ANKRD18B: variants seen among roughly 807,000 people sequenced by gnomAD.
ANKRD18B encodes the protein ankyrin repeat domain 18B, also known as ankyrin repeat domain-containing protein 18B.
In ANKRD18B, 75 loss-of-function variants were observed where a neutral mutation model predicts 111.8. The observed-to-expected ratio is 0.67, with a 90% CI of 0.56 to 0.81. The LOEUF (loss-of-function observed/expected upper bound fraction) is 0.81, where lower values mean the gene tolerates loss of function less well. Ranked by LOEUF, ANKRD18B falls within the 40% of genes least tolerant of loss-of-function variation. The pLI is 0.00. For missense variants in ANKRD18B, 1,038 were observed against 1,225.5 expected, an observed-to-expected ratio of 0.85 and a Z score of 2.28; for synonymous variants, 356 against 417.3, an observed-to-expected ratio of 0.85 and a Z score of 1.79.
chr9:33,573,530 C>T (rs1300946046), downstream of ANKRD18B, among the ~76,000 whole-genome samples: 1 of 145,036 alleles, frequency 6.9e-6, no homozygotes, highest in Non-Finnish European at 1.6e-5. Flanking sequence ...CCAGGCAGTG[C>T]CAGGCCACCT....
At position 33,530,976 on chromosome 9, in the gene ANKRD18B, A is replaced by C. The variant is rs184628838; in HGVS notation, c.495+1803A>C. ...ATTTTCTCAGTTAGATCAGTAGCAA[A>C]TCTTGAACCTTTTTTTTTCAGTTGC... On this transcript the variant is annotated intron_variant, in intron 3 of 18. Transcript: ENST00000684830. Among the ~76,000 whole-genome samples the C allele has an allele frequency of 3.0e-3, 453 of 152,270 alleles. 3 individuals carry two copies. Among genetic ancestry groups the C allele is most frequent in the Non-Finnish European group, 3.2e-3 (220 of 68,024 alleles).
intron 13 of ANKRD18B, among the ~76,000 whole-genome samples, chr9:33,556,308 G>C (rs1192672940): frequency 6.6e-6 from 1 of 151,812 alleles, no homozygotes; most frequent in Admixed American, 6.6e-5. Flanking sequence ...CTGTCACCCA[G>C]GCTGGAGTGC....
At chr9:33,562,976 T>C (rs1374612198) in intron 14 of ANKRD18B, among the ~76,000 whole-genome samples, 2 of 152,252 alleles carry the variant, frequency 1.3e-5, no homozygotes, top group African/African-American at 4.8e-5. Flanking sequence ...GTCTTCTTGC[T>C]TTGCAGTCTT....
chr9:33,534,604 G>T, intron 5 of ANKRD18B, 97 bp downstream of exon 5: 2 of 1,401,742 alleles, frequency 1.4e-6, no homozygotes, highest in South Asian at 1.8e-5. Context: ...TTCATAGTTT[G>T]GTTGAGGTAG....
intron 14 of ANKRD18B, among the ~76,000 whole-genome samples, chr9:33,564,170 G>A (rs1294112183): frequency 1.3e-5 from 2 of 152,184 alleles, no homozygotes; most frequent in Admixed American, 1.3e-4. Flanking sequence ...ATGTTGCTCA[G>A]GCTGCTCTGG....
rs1347612730 is a variant in ANKRD18B, at chr9:33,524,493, AGGAAGCTCCTCAG to A, written c.5_17del (p.Arg2IlefsTer11). On this transcript the variant is annotated frameshift_variant, in exon 1 of 19. Coordinates refer to ENST00000684830, the MANE Select transcript of ANKRD18B (RefSeq NM_001393611.1). LOFTEE classifies it high-confidence loss of function. Reference sequence around the variant, plus strand: ...GGGCATCTGAGAAGTCGCCACCATGAGGAAGCTCCTCAGTTTTGGGAGACGCCTGGGCCAGGCG... The same window carrying A: ...GGGCATCTGAGAAGTCGCCACCATGATTTTGGGAGACGCCTGGGCCAGGCG... 1.3e-6 allele frequency: 2 copies of A among 1,546,368 alleles called. No homozygotes were observed. Among genetic ancestry groups the A allele is most frequent in the East Asian group, 2.5e-5 (1 of 40,600 alleles).
intron 1 of ANKRD18B, among the ~76,000 whole-genome samples, chr9:33,526,594 T>G (rs1221647018): frequency 6.6e-6 from 1 of 152,210 alleles, no homozygotes; most frequent in Non-Finnish European, 1.5e-5. Context: ...GAATAAATTT[T>G]GGGAAGAGAG....
intron 3 of ANKRD18B, among the ~76,000 whole-genome samples, chr9:33,530,951 A>AT (rs1306574225): frequency 6.6e-6 from 1 of 152,040 alleles, no homozygotes; most frequent in African/African-American, 2.4e-5. Context: ...TACAAGTGAG[A>AT]TTTTCTCAGT....
rs545216243 is a variant in ANKRD18B at position 33,526,482 on chromosome 9, A to G, written c.206+1787A>G. 5.3e-5 allele frequency among the ~76,000 whole-genome samples: 8 copies of G among 152,298 alleles called. No homozygotes were observed. In the South Asian group the frequency reaches 1.7e-3, roughly 32 times the overall value. On this transcript the variant is annotated intron_variant, in intron 1 of 18. Coordinates refer to ENST00000684830, the MANE Select transcript of ANKRD18B (RefSeq NM_001393611.1). Reference sequence around the variant, plus strand: ...TGCACAAAATAGGATAAAATTTGTAACTTCTGAGCATTTGTATTTTAAAGT... The same window carrying G: ...TGCACAAAATAGGATAAAATTTGTAGCTTCTGAGCATTTGTATTTTAAAGT...
Position 33,543,216 on chromosome 9 carries a change from G to A in ANKRD18B, c.1110G>A (p.Lys370=), listed in dbSNP as rs1406380909. 1 of 1,552,918 alleles carries A rather than the reference G, an allele frequency of 6.4e-7. No homozygotes were observed. The highest frequency in any genetic ancestry group is 8.7e-7 in the Non-Finnish European group (1 of 1,147,452). The change falls in exon 10 of 19, where the codon AAG becomes AAA. Residue 370 remains lysine (K), a synonymous_variant. Transcript: ENST00000684830. ...EHNLKVASEE[K]QERLERSENK... ...ACTTAAAAGTGGCTTCAGAGGAAAAGCAAGAAAGGCTTGAAAGAAGTGAAA... is the reference window on the plus strand; with the variant it reads ...ACTTAAAAGTGGCTTCAGAGGAAAAACAAGAAAGGCTTGAAAGAAGTGAAA...
intron 16 of ANKRD18B, among the ~76,000 whole-genome samples, chr9:33,567,794 G>A (rs1408744516): frequency 6.6e-6 from 1 of 152,206 alleles, no homozygotes; most frequent in Non-Finnish European, 1.5e-5. Flanking sequence ...GTTATCACTA[G>A]AGGGTACCTC....
intron 17 of ANKRD18B, among the ~76,000 whole-genome samples, chr9:33,570,643 C>CT (rs74178890): frequency 0.37 from 53,206 of 142,022 alleles, 9,927 homozygotes; most frequent in East Asian, 0.5. Flanking sequence ...ACCTTTTTTT[C>CT]TTTTTTTTTT....
intron 3 of ANKRD18B, among the ~76,000 whole-genome samples, chr9:33,531,161 T>A (rs1828109674): frequency 6.6e-6 from 1 of 152,222 alleles, no homozygotes; most frequent in Admixed American, 6.5e-5. Flanking sequence ...TAATTGTCTA[T>A]TTGGTTAACA....
At chr9:33,552,271 A>G (rs1318025507) in intron 12 of ANKRD18B, among the ~76,000 whole-genome samples, 2 of 152,374 alleles carry the variant, frequency 1.3e-5, no homozygotes, top group Admixed American at 1.3e-4. Flanking sequence ...GTATGAAAAA[A>G]GAATCTAAAT....
intron 1 of ANKRD18B, among the ~76,000 whole-genome samples, chr9:33,527,130 G>A (rs1336897601): frequency 9.2e-5 from 14 of 152,036 alleles, no homozygotes; most frequent in Non-Finnish European, 1.5e-4. Context: ...CATTTCTGAA[G>A]GTAGAAAACA....
At chr9:33,544,027 T>C (rs529670966) in intron 10 of ANKRD18B, among the ~76,000 whole-genome samples, 1 of 152,350 alleles carries the variant, frequency 6.6e-6, no homozygotes, top group East Asian at 1.9e-4. Flanking sequence ...TCTAATAATT[T>C]AGCATTTGCC....
downstream of ANKRD18B, chr9:33,573,249 C>T: frequency 2.0e-6 from 2 of 985,370 alleles, no homozygotes; most frequent in Non-Finnish European, 2.4e-6. Context: ...CATGCGCTCA[C>T]TAGTCCCCAA....
At chr9:33,573,533 G>C (rs1332024932), downstream of ANKRD18B, among the ~76,000 whole-genome samples, 1 of 145,066 alleles carries the variant, frequency 6.9e-6, no homozygotes, top group East Asian at 2.1e-4. Flanking sequence ...GGCAGTGCCA[G>C]GCCACCTCAT....
chr9:33,535,811 A>T (rs142314285), intron 5 of ANKRD18B, among the ~76,000 whole-genome samples: 8,105 of 144,258 alleles, frequency 0.056, 265 homozygotes, highest in South Asian at 0.097. Flanking sequence ...AGATTATATA[A>T]TCTATATATT....
Sources: gnomAD v4.1 joint callset for allele counts (sites outside exome capture counted in the v4.1 genomes callset) on GRCh38, gnomAD v4.1.1 for gene constraint, MANE v1.5 for transcripts, NCBI Gene and HGNC (gene_info 2026-07-23, HGNC 2026-07-21) for gene names.